Variants in FBXL19 observed in about 807,000 individuals in gnomAD.
FBXL19 encodes the protein F-box/LRR-repeat protein 19.
A neutral mutation model predicts 71.2 loss-of-function variants in FBXL19; 16 were observed. The ratio of observed to expected loss-of-function variants is 0.22; its 90% CI spans 0.15 to 0.34. The LOEUF is 0.34. Among genes scored for constraint, FBXL19 ranks in the 10% least tolerant of loss-of-function variants. The probability of loss-of-function intolerance (pLI) is 1.00; values close to 1 mark genes in which losing one functional copy is unlikely to be tolerated. For missense variants in FBXL19, 658 were observed against 968.2 expected (o/e 0.68, Z 4.25); for synonymous variants, 447 against 409.4 (o/e 1.09, Z -1.11).
At chr16:30,940,898 T>C (rs967433119) in intron 7 of FBXL19, among the ~76,000 whole-genome samples, 1 of 152,066 alleles carries the variant, frequency 6.6e-6, no homozygotes, top group African/African-American at 2.4e-5. Flanking sequence ...CTCGAATTCC[T>C]GACCTCATGA....
At chr16:30,934,310 C>T (rs901617447) in intron 7 of FBXL19, among the ~76,000 whole-genome samples, 4 of 150,430 alleles carry the variant, frequency 2.7e-5, no homozygotes, top group Non-Finnish European at 4.4e-5. Context: ...TGCAGTGGGC[C>T]GAGATCACAC....
At chr16:30,937,368 T>A (rs984985745) in intron 7 of FBXL19, among the ~76,000 whole-genome samples, 1 of 151,866 alleles carries the variant, frequency 6.6e-6, no homozygotes, top group African/African-American at 2.4e-5. Context: ...TCAGGCATTG[T>A]CCCCCCAGGA....
At position 30,930,707 on chromosome 16, in the gene FBXL19, GCA is replaced by G; in HGVS notation, c.1301+126_1301+127del. On this transcript the variant is annotated intron_variant, in intron 7 of 10. Coordinates refer to ENST00000338343, the MANE Select transcript of FBXL19 (RefSeq NM_001382779.1). This position sits in a 1 kb window ranked among gnomAD's most constrained non-coding sequence, Gnocchi z 8.5. ...TATATTGGGGATACTTCTCTAGTATGCACAGATTACAGTGCATCCTTCCGTAT... is the reference window on the plus strand; with the variant it reads ...TATATTGGGGATACTTCTCTAGTATGCAGATTACAGTGCATCCTTCCGTAT... The G allele has an allele frequency of 9.3e-7, 1 of 1,079,006 alleles. No homozygotes were observed. The highest frequency in any genetic ancestry group is 1.2e-6 in the Non-Finnish European group (1 of 816,066). 66.8% of individuals were successfully genotyped at this position (1,079,006 alleles called of 1,614,324 possible). A position where few individuals can be genotyped will look rare whatever the true frequency, so the allele number is the denominator to read the frequency against.
intron 7 of FBXL19, 150 bp from the exon 8 acceptor site, chr16:30,941,966 C>T (rs897249207): frequency 1.6e-5 from 13 of 801,020 alleles, no homozygotes; most frequent in African/African-American, 3.5e-5. Context: ...AATCCCAGTG[C>T]TCTTGGCTGA....
At chr16:30,936,604 T>TC (rs986940126) in intron 7 of FBXL19, among the ~76,000 whole-genome samples, 12 of 147,540 alleles carry the variant, frequency 8.1e-5, no homozygotes, top group African/African-American at 2.2e-4. Flanking sequence ...TTTTTTTCTT[T>TC]TTTTTTTTTT....
chr16:30,927,243 AGAAG>A (rs2055602673), intron 2 of FBXL19, 61 bp from the exon 3 acceptor site: 3 of 1,475,542 alleles, frequency 2.0e-6, no homozygotes, highest in Non-Finnish European at 2.7e-6. Flanking sequence ...CAGGGTCCCT[AGAAG>A]GAAGGGTCTT....
chr16:30,942,586 TA>T lies in FBXL19; in HGVS notation c.1627+51del. 1 of 1,505,816 alleles carries T rather than the reference TA, an allele frequency of 6.6e-7. No individual in the cohort carries two copies. 93.3% of individuals were successfully genotyped at this position (1,505,816 alleles called of 1,614,324 possible). On this transcript the variant is annotated intron_variant, in intron 9 of 10. Transcript: ENST00000338343. The surrounding 1 kb of genome is among the most constrained non-coding windows in gnomAD (Gnocchi z 5.7). ...GAGAATGGGCTGGGCAAGGGTAGGG[TA>T]GGAGGCCTCTCAGGTCTCTTCTGAC... is the stretch of plus-strand genomic sequence containing the variant.
At chr16:30,933,039 C>T (rs2055692773) in intron 7 of FBXL19, among the ~76,000 whole-genome samples, 1 of 151,706 alleles carries the variant, frequency 6.6e-6, no homozygotes, top group South Asian at 2.1e-4. Flanking sequence ...CTTGCTCTGT[C>T]ACCCAGGCTG....
intron 6 of FBXL19, 139 bp downstream of exon 6, chr16:30,928,767 GATGAGTT>G (rs2143319838): frequency 1.3e-5 from 2 of 156,652 alleles, no homozygotes; most frequent in Non-Finnish European, 2.6e-5. Flanking sequence ...GGACACCTGG[GATGAGTT>G]GGGTGGGAGG....
chr16:30,933,060 G>T (rs2055692943), intron 7 of FBXL19, among the ~76,000 whole-genome samples: 1 of 151,668 alleles, frequency 6.6e-6, no homozygotes, highest in Admixed American at 6.6e-5. Context: ...GAGTGCCTTG[G>T]CGCAATCTCA....
intron 7 of FBXL19, among the ~76,000 whole-genome samples, chr16:30,941,121 TGAG>T (rs2055797685): frequency 1.3e-5 from 2 of 152,164 alleles, no homozygotes; most frequent in South Asian, 2.1e-4. Context: ...ATGCTGTAGA[TGAG>T]GAGGTGGGGG....
intron 6 of FBXL19, among the ~76,000 whole-genome samples, chr16:30,929,748 G>T (rs1258007411): frequency 1.3e-5 from 2 of 152,136 alleles, no homozygotes; most frequent in Non-Finnish European, 2.9e-5. Flanking sequence ...TAGAGACAGG[G>T]TTTCACTATG....
At chr16:30,928,097 T>G (rs1362514068) in intron 5 of FBXL19, 134 bp downstream of exon 5, 1 of 561,174 alleles carries the variant, frequency 1.8e-6, no homozygotes, top group Non-Finnish European at 2.9e-6. Context: ...GAGATGTAGT[T>G]CAGGAGTTGG....
intron 4 of FBXL19, 36 bp from the exon 5 acceptor site, chr16:30,927,709 G>C: frequency 6.4e-7 from 1 of 1,556,524 alleles, no homozygotes. Flanking sequence ...TTGGGGAGCT[G>C]TGCAGGTCCT....
upstream of FBXL19, chr16:30,923,283 C>A (rs1305842615): frequency 4.5e-6 from 2 of 443,488 alleles, no homozygotes; most frequent in Non-Finnish European, 9.2e-6. Flanking sequence ...CAACTGGGAG[C>A]CTCGGGGCAA....
intron 7 of FBXL19, among the ~76,000 whole-genome samples, chr16:30,939,708 G>A (rs931981258): frequency 6.6e-6 from 1 of 151,648 alleles, no homozygotes; most frequent in Non-Finnish European, 1.5e-5. Context: ...ATGAGCCACC[G>A]CGCCCGGCAA....
chr16:30,926,745 T>C (rs900740439), intron 2 of FBXL19, among the ~76,000 whole-genome samples: 5 of 152,146 alleles, frequency 3.3e-5, no homozygotes, highest in African/African-American at 1.2e-4. Flanking sequence ...GCCGCATCCT[T>C]GTTATGACTC....
intron 1 of FBXL19, chr16:30,924,716 G>A: frequency 6.7e-7 from 1 of 1,495,180 alleles, no homozygotes; most frequent in South Asian, 1.4e-5. Flanking sequence ...GCGCTGGAGG[G>A]CCCCTTAGCC....
chr16:30,930,017 G>T lies in FBXL19; in HGVS notation c.790-56G>T. 1 of 1,563,832 alleles carries T rather than the reference G, an allele frequency of 6.4e-7. No individual in the cohort carries two copies. ...TCCCCTGGTGACTCCTCGGGGTAGG[G>T]GGGTGGGAAAATGTATCCCAGGCCC... On this transcript the variant is annotated intron_variant, in intron 6 of 10. Coordinates refer to ENST00000338343, the MANE Select transcript of FBXL19 (RefSeq NM_001382779.1). The surrounding 1 kb of genome is among the most constrained non-coding windows in gnomAD (Gnocchi z 8.5).
Sources: gnomAD v4.1 joint callset for allele counts (sites outside exome capture counted in the v4.1 genomes callset) on GRCh38, gnomAD v4.1.1 for gene constraint, Gnocchi (gnomAD v3.1) non-coding constraint, MANE v1.5 for transcripts, NCBI Gene and HGNC (gene_info 2026-07-23, HGNC 2026-07-21) for gene names.